Variants in CFAP47 observed in about 807,000 individuals in gnomAD.
The protein encoded by CFAP47 is cilia- and flagella-associated protein 47.
CFAP47 carries 29 observed loss-of-function variants against 148.1 expected under a neutral mutation model. The ratio of observed to expected loss-of-function variants is 0.20; its 90% CI spans 0.15 to 0.27. The LOEUF is 0.27. CFAP47 is among the 10% of genes least tolerant of loss of function. The pLI is 1.00. For synonymous variants in CFAP47, 664 were observed against 577.3 expected (o/e 1.15, Z -2.15); for missense variants, 1,872 against 1,697.5 (o/e 1.10, Z -1.81).
intron 39 of CFAP47, among the ~76,000 whole-genome samples, chrX:36,168,006 G>T (rs1229817937): frequency 9.3e-6 from 1 of 107,289 alleles, no homozygotes; most frequent in African/African-American, 3.3e-5. Context: ...TATTTTATCT[G>T]TTATTAAGAT....
intron 48 of CFAP47, 55 bp from the exon 49 acceptor site, chrX:36,251,278 G>T (rs1409538232): frequency 2.4e-6 from 1 of 415,479 alleles, no homozygotes; most frequent in African/African-American, 2.6e-5. Flanking sequence ...GTAGTGTAGT[G>T]TACTTATTTT....
chrX:35,975,990 G>A, intron 15 of CFAP47, 77 bp downstream of exon 15: 1 of 1,031,079 alleles, frequency 9.7e-7, no homozygotes, highest in Non-Finnish European at 1.3e-6. Flanking sequence ...ATTATTTATT[G>A]AGTGTGTACT....
At chrX:36,236,647 T>C in intron 47 of CFAP47, 39 bp from the exon 48 acceptor site, 1 of 503,729 alleles carries the variant, frequency 2.0e-6, no homozygotes, top group Non-Finnish European at 3.6e-6. Context: ...CATTTATCTA[T>C]GACTCCTATA....
intron 18 of CFAP47, 28 bp downstream of exon 18, chrX:35,993,349 C>T (rs139151165): frequency 6.9e-6 from 2 of 288,349 alleles, no homozygotes; most frequent in Non-Finnish European, 1.2e-5. Context: ...AGTTTTTGCA[C>T]CTTACATATG....
chrX:36,086,143 G>A (rs1472021945), intron 30 of CFAP47, among the ~76,000 whole-genome samples: 2 of 111,942 alleles, frequency 1.8e-5, no homozygotes, highest in East Asian at 5.6e-4. Context: ...GCAAAAGATA[G>A]GAAAAATAAT....
intron 8 of CFAP47, among the ~76,000 whole-genome samples, chrX:35,958,142 A>G (rs1275292540): frequency 1.8e-5 from 2 of 111,589 alleles, no homozygotes; most frequent in Non-Finnish European, 3.8e-5. Context: ...TATATAAGGC[A>G]TTTTGTGTAT....
intron 26 of CFAP47, among the ~76,000 whole-genome samples, chrX:36,050,728 C>T (rs1056377883): frequency 2.7e-5 from 3 of 112,139 alleles, no homozygotes; most frequent in African/African-American, 9.7e-5. Flanking sequence ...AAATGTTGAT[C>T]ACCAAGACAA....
chrX:36,379,564 A>C (rs1942058657), intron 63 of CFAP47, 46 bp downstream of exon 63: 1 of 969,544 alleles, frequency 1.0e-6, no homozygotes. Flanking sequence ...ATGCAACTAA[A>C]GACACTAAAT....
At chrX:36,359,140 A>G (rs933140403) in intron 60 of CFAP47, among the ~76,000 whole-genome samples, 2 of 112,142 alleles carry the variant, frequency 1.8e-5, no homozygotes, top group Non-Finnish European at 3.8e-5. Context: ...GATAAGAAAA[A>G]CATTATGTTT....
chrX:35,968,253 C>T (rs769540650), intron 10 of CFAP47, among the ~76,000 whole-genome samples: 2 of 110,856 alleles, frequency 1.8e-5, no homozygotes, highest in South Asian at 7.6e-4. Context: ...TGGTTATCAT[C>T]ATCATCATCA....
intron 32 of CFAP47, among the ~76,000 whole-genome samples, chrX:36,103,322 G>A (rs1204112190): frequency 9.4e-6 from 1 of 106,931 alleles, no homozygotes; most frequent in Non-Finnish European, 1.9e-5. Context: ...AATGCCACTG[G>A]GGACCAATAG....
chrX:36,014,949 C>T (rs897118321), intron 22 of CFAP47, 37 bp downstream of exon 22: 1 of 286,580 alleles, frequency 3.5e-6, no homozygotes, highest in Non-Finnish European at 6.1e-6. Flanking sequence ...TGTGGGTAGG[C>T]CAAAGATTTA....
intron 49 of CFAP47, among the ~76,000 whole-genome samples, chrX:36,276,392 A>G (rs1293577741): frequency 8.9e-6 from 1 of 112,066 alleles, no homozygotes; most frequent in Non-Finnish European, 1.9e-5. Context: ...CAAAGGTGTT[A>G]AGAATTGCCA....
chrX:36,095,344 G>A (rs997252846), intron 30 of CFAP47, among the ~76,000 whole-genome samples: 5 of 111,808 alleles, frequency 4.5e-5, no homozygotes, highest in African/African-American at 1.6e-4. Flanking sequence ...TTGGACTGTA[G>A]CATTCCTTTT....
chrX:36,141,227 G>A (rs1939134694), intron 35 of CFAP47, among the ~76,000 whole-genome samples: 1 of 110,381 alleles, frequency 9.1e-6, no homozygotes, highest in African/African-American at 3.3e-5. Context: ...TGGTGGCATC[G>A]CTCAGTCCAG....
At chrX:36,006,342 AAAG>A (rs1936981776) in intron 21 of CFAP47, among the ~76,000 whole-genome samples, 1 of 111,618 alleles carries the variant, frequency 9.0e-6, no homozygotes, top group Admixed American at 9.6e-5. Context: ...GGTATTTTAA[AAAG>A]AAGATTTACT....
chrX:36,203,283 T>C (rs1940002597), intron 44 of CFAP47, among the ~76,000 whole-genome samples: 1 of 112,115 alleles, frequency 8.9e-6, no homozygotes, highest in African/African-American at 3.2e-5. Context: ...CACTATTACA[T>C]TAAAATTTTT....
chrX:36,166,386 CTT>C (rs1262646798), intron 39 of CFAP47, among the ~76,000 whole-genome samples: 1 of 111,267 alleles, frequency 9.0e-6, no homozygotes, highest in Admixed American at 9.6e-5. Context: ...CTATTAAGCC[CTT>C]GAGTGAATTT....
At chrX:36,338,887 A>G (rs1941630472) in intron 57 of CFAP47, among the ~76,000 whole-genome samples, 1 of 111,645 alleles carries the variant, frequency 9.0e-6, no homozygotes, top group Non-Finnish European at 1.9e-5. Context: ...CCTTCCTGGA[A>G]CACCCTGTAT....
Sources: allele counts gnomAD v4.1 joint callset (sites outside exome capture counted in the v4.1 genomes callset), GRCh38; gene constraint gnomAD v4.1.1; transcripts MANE v1.5; gene names NCBI Gene and HGNC (gene_info 2026-07-23, HGNC 2026-07-21).